Variants in RAB32 observed in about 807,000 individuals in gnomAD.
RAB32 encodes ras-related protein Rab-32.
RAB32 carries 17 observed loss-of-function variants against 17.5 expected under a neutral mutation model. The observed-to-expected ratio is 0.97, with a 90% CI of 0.67 to 1.46. The LOEUF is 1.46. RAB32 is among the 40% of genes most tolerant of loss of function. The pLI, the probability that RAB32 is intolerant of heterozygous loss-of-function variation, is 0.00. For missense variants in RAB32, 288 were observed against 284.3 expected (o/e 1.01, Z -0.09); for synonymous variants, 115 against 111.1 (o/e 1.04, Z -0.22).
At chr6:146,544,769 G>GCACCCCCCCC (rs1779799373) in intron 1 of RAB32, among the ~76,000 whole-genome samples, 1 of 59,842 alleles carries the variant, frequency 1.7e-5, no homozygotes, top group Non-Finnish European at 3.2e-5. Context: ...TGGTGCCCTC[G>GCACCCCCCCC]CCCCCCCCCG....
Position 146,554,484 on chromosome 6 carries a change from G to C in RAB32, c.557G>C (p.Arg186Pro). The change falls in exon 3 of 3, where the codon CGG (arginine) becomes CCG (proline). Residue 186 changes from arginine to proline, a missense_variant. Transcript: ENST00000367495. ...KDNINIEEAARFLVEKILVNH... is the reference protein window; with the variant it reads ...KDNINIEEAAPFLVEKILVNH... ...AACATAAACATAGAGGAAGCTGCCC[G>C]GTTCCTAGTGGAGAAGATTCTTGTA... The C allele has an allele frequency of 1.2e-6, 2 of 1,612,616 alleles. No homozygotes were observed. Among genetic ancestry groups the C allele is most frequent in the Non-Finnish European group, 1.7e-6 (2 of 1,179,478 alleles).
chr6:146,551,631 G>A (rs1266191260), intron 2 of RAB32, among the ~76,000 whole-genome samples: 5 of 150,964 alleles, frequency 3.3e-5, no homozygotes, highest in Admixed American at 6.6e-5. Context: ...CTGCTTATGC[G>A]AGTGTGCATT....
chr6:146,554,834 G>A lies in RAB32; in HGVS notation c.*229G>A. On this transcript the variant is annotated 3_prime_UTR_variant, in exon 3 of 3. Transcript: ENST00000367495. ...GCTTTTGTCATTGTTGCCATCATATGGAAGATAATGTTTACATCCTTTTAA... is the reference window on the plus strand; with the variant it reads ...GCTTTTGTCATTGTTGCCATCATATAGAAGATAATGTTTACATCCTTTTAA... 2.4e-6 allele frequency: 1 copy of A among 410,290 alleles called. No individual in the cohort carries two copies. The allele number at this position is 410,290 out of a possible 1,614,324, so 25.4% of individuals were successfully genotyped here.
chr6:146,549,409 A>G, intron 1 of RAB32, 55 bp from the exon 2 acceptor site: 1 of 1,483,974 alleles, frequency 6.7e-7, no homozygotes, highest in Middle Eastern at 2.4e-4. Flanking sequence ...TTATACCTAA[A>G]TGTAGACTCT....
At chr6:146,554,341 G>C in intron 2 of RAB32, 115 bp from the exon 3 acceptor site, 1 of 924,024 alleles carries the variant, frequency 1.1e-6, no homozygotes, top group Non-Finnish European at 1.6e-6. Context: ...GAGGAAAGTG[G>C]CTGTGCACTT....
chr6:146,554,827 A>G lies in RAB32; in HGVS notation c.*222A>G. ...CAATTAGGCTTTTGTCATTGTTGCC[A>G]TCATATGGAAGATAATGTTTACATC... On this transcript the variant is annotated 3_prime_UTR_variant, in exon 3 of 3. Coordinates refer to ENST00000367495, the MANE Select transcript of RAB32 (RefSeq NM_006834.5). 2.3e-6 allele frequency: 1 copy of G among 425,754 alleles called. No homozygotes were observed. The highest frequency in any genetic ancestry group is 5.6e-5 in the South Asian group (1 of 17,950). 26.4% of individuals were successfully genotyped at this position (425,754 alleles called of 1,614,324 possible). A position where few individuals can be genotyped will look rare whatever the true frequency, so the allele number is the denominator to read the frequency against.
intron 1 of RAB32, among the ~76,000 whole-genome samples, chr6:146,545,945 T>C (rs1323975234): frequency 6.6e-6 from 1 of 152,244 alleles, no homozygotes; most frequent in African/African-American, 2.4e-5. Context: ...CATTTTGTTA[T>C]TAAACTACGA....
rs1382707482 is a variant in RAB32 at position 146,543,941 on chromosome 6, C to CACCT, written c.71_74dup (p.Phe26ProfsTer83). The CACCT allele has an allele frequency of 5.0e-6, 8 of 1,610,472 alleles. No individual in the cohort carries two copies. ...CGCCCCAGCGCCCGAGACCCGCGAGCACCTCTTCAAGGTGCTGGTGATCGG... is the reference window on the plus strand; with the variant it reads ...CGCCCCAGCGCCCGAGACCCGCGAGCACCTACCTCTTCAAGGTGCTGGTGATCGG... On this transcript the variant is annotated frameshift_variant, in exon 1 of 3. Transcript: ENST00000367495. LOFTEE classifies it high-confidence loss of function.
intron 2 of RAB32, among the ~76,000 whole-genome samples, chr6:146,551,371 T>C (rs1779896488): frequency 6.6e-6 from 1 of 152,118 alleles, no homozygotes; most frequent in Non-Finnish European, 1.5e-5. Context: ...ACCACAGGCA[T>C]GTGCCACCAT....
chr6:146,544,891 G>A (rs945838794), intron 1 of RAB32, among the ~76,000 whole-genome samples: 1 of 150,010 alleles, frequency 6.7e-6, no homozygotes, highest in Non-Finnish European at 1.5e-5. Context: ...ACTTTGCCTG[G>A]TGTGGTGGTT....
intron 1 of RAB32, among the ~76,000 whole-genome samples, chr6:146,546,057 TTTCTGGTATCACCTC>T (rs1562729884): frequency 6.6e-6 from 1 of 152,204 alleles, no homozygotes. Flanking sequence ...ACAAATTTTC[TTTCTGGTATCACCTC>T]TTCTTTTTTT....
At chr6:146,550,255 A>C (rs993290082) in intron 2 of RAB32, among the ~76,000 whole-genome samples, 3 of 152,236 alleles carry the variant, frequency 2.0e-5, no homozygotes, top group African/African-American at 7.2e-5. Flanking sequence ...ATGCTTCATA[A>C]ACAGTAGAGT....
At chr6:146,552,975 G>T (rs1012754589) in intron 2 of RAB32, among the ~76,000 whole-genome samples, 1 of 152,114 alleles carries the variant, frequency 6.6e-6, no homozygotes, top group African/African-American at 2.4e-5. Flanking sequence ...TACTGTAATG[G>T]GTTCAACTTA....
chr6:146,554,506 T>C lies in RAB32; in HGVS notation c.579T>C (p.Leu193=). The C allele has an allele frequency of 8.1e-6, 13 of 1,613,914 alleles. No individual in the cohort carries two copies. Among genetic ancestry groups the C allele is most frequent in the Non-Finnish European group, 1.1e-5 (13 of 1,179,840 alleles). The stretch of plus-strand genomic sequence containing the variant: ...CCCGGTTCCTAGTGGAGAAGATTCT[T>C]GTAAACCACCAAAGCTTTCCTAATG... ...EAARFLVEKI[L]VNHQSFPNEE... Residue 193 remains leucine, a synonymous_variant, in exon 3 of 3, where the codon CTT becomes CTC. Coordinates refer to ENST00000367495, the MANE Select transcript of RAB32 (RefSeq NM_006834.5).
intron 1 of RAB32, among the ~76,000 whole-genome samples, chr6:146,548,389 G>T (rs554413407): frequency 6.6e-6 from 1 of 152,294 alleles, no homozygotes; most frequent in South Asian, 2.1e-4. Flanking sequence ...GGGTATCTTT[G>T]CATCTGTGCA....
intron 2 of RAB32, among the ~76,000 whole-genome samples, chr6:146,553,981 A>G (rs1583538666): frequency 6.6e-6 from 1 of 152,196 alleles, no homozygotes; most frequent in Admixed American, 6.5e-5. Context: ...TAATTTATAC[A>G]TGACAACTAA....
At chr6:146,544,674 C>G (rs951609741) in intron 1 of RAB32, among the ~76,000 whole-genome samples, 1 of 151,902 alleles carries the variant, frequency 6.6e-6, no homozygotes, top group Admixed American at 6.6e-5. Context: ...CGAGGACAGA[C>G]ACTCCGTGAA....
At position 146,550,194 on chromosome 6, in the gene RAB32, T is replaced by A. The variant is rs563947864; in HGVS notation, c.528+453T>A. Among the ~76,000 whole-genome samples the A allele has an allele frequency of 6.6e-5, 10 of 152,292 alleles. No individual in the cohort carries two copies. In the South Asian group the frequency reaches 1.9e-3, roughly 28 times the overall value. On this transcript the variant is annotated intron_variant, in intron 2 of 2. Coordinates refer to ENST00000367495, the MANE Select transcript of RAB32 (RefSeq NM_006834.5). ...AGATGATGTTTGAAGAGTTTTAGGT[T>A]AACTGTGTACGAAAGATTTGAAACA...
intron 2 of RAB32, among the ~76,000 whole-genome samples, chr6:146,552,222 G>A (rs1423417300): frequency 6.6e-6 from 1 of 152,018 alleles, no homozygotes; most frequent in Non-Finnish European, 1.5e-5. Context: ...CACTATCATT[G>A]GAATTTTAAC....
Sources: gnomAD v4.1 joint callset for allele counts (sites outside exome capture counted in the v4.1 genomes callset) on GRCh38, gnomAD v4.1.1 for gene constraint, MANE v1.5 for transcripts, NCBI Gene and HGNC (gene_info 2026-07-23, HGNC 2026-07-21) for gene names.